The following CTNND2 variants were observed in gnomAD, a reference collection of about 807,000 sequenced individuals.
The protein encoded by CTNND2 is catenin delta 2, also known as catenin delta-2.
A neutral mutation model predicts 144.4 loss-of-function variants in CTNND2; 22 were observed. That is an observed-to-expected ratio of 0.15 (90% CI 0.11 to 0.22). The LOEUF is 0.22. Ranked by LOEUF, CTNND2 falls within the 10% of genes least tolerant of loss-of-function variation. CTNND2 has a pLI of 1.00. For missense variants in CTNND2, 1,353 were observed against 1,618.8 expected (o/e 0.84, Z 2.82); for synonymous variants, 751 against 695.6 (o/e 1.08, Z -1.25).
At chr5:11,547,162 G>A (rs1319282147) in intron 3 of CTNND2, among the ~76,000 whole-genome samples, 1 of 151,988 alleles carries the variant, frequency 6.6e-6, no homozygotes, top group Non-Finnish European at 1.5e-5. Context: ...CAGCTACTTA[G>A]GAAGCTGAGG....
chr5:11,310,349 T>C (rs960229617), intron 9 of CTNND2, among the ~76,000 whole-genome samples: 11 of 152,018 alleles, frequency 7.2e-5, no homozygotes, highest in Admixed American at 7.2e-4. Context: ...CATATCCTAT[T>C]TGACACAATT....
intron 3 of CTNND2, among the ~76,000 whole-genome samples, chr5:11,505,003 C>G (rs953621228): frequency 8.5e-5 from 13 of 152,088 alleles, no homozygotes; most frequent in African/African-American, 3.1e-4. Flanking sequence ...CCCTGGGGCC[C>G]TCTGCTGCAC....
In CTNND2 at chr5:11,467,541, C is replaced by T. The variant is rs1766796608; in HGVS notation, c.288-55472G>A. ...GTCAAGAATTTGTGGCATGTTCTGG[C>T]CTTTGAAATATAATTTTGTTTGTTT... On this transcript the variant is annotated intron_variant, in intron 3 of 21. Coordinates refer to ENST00000304623, the MANE Select transcript of CTNND2 (RefSeq NM_001332.4). Among the ~76,000 whole-genome samples the T allele has an allele frequency of 1.3e-5, 2 of 152,078 alleles. 1 individual carries two copies. Among genetic ancestry groups the T allele is most frequent in the Non-Finnish European group, 2.9e-5 (2 of 68,018 alleles).
At chr5:11,214,570 T>C (rs905854130) in intron 10 of CTNND2, among the ~76,000 whole-genome samples, 2 of 152,176 alleles carry the variant, frequency 1.3e-5, no homozygotes, top group African/African-American at 4.8e-5. Context: ...GTCAAAGTCA[T>C]ATTTTCAAAA....
At chr5:10,983,629 T>C (rs1737574302) in intron 20 of CTNND2, among the ~76,000 whole-genome samples, 1 of 152,214 alleles carries the variant, frequency 6.6e-6, no homozygotes, top group Non-Finnish European at 1.5e-5. Context: ...CCTGTCTCTG[T>C]ATTATGGTGC....
At chr5:11,741,419 G>A (rs1787999843) in intron 1 of CTNND2, among the ~76,000 whole-genome samples, 1 of 152,080 alleles carries the variant, frequency 6.6e-6, no homozygotes, top group South Asian at 2.1e-4. Flanking sequence ...TCCTTTGCAG[G>A]GACATGGATG....
intron 2 of CTNND2, among the ~76,000 whole-genome samples, chr5:11,663,182 T>A (rs1325970723): frequency 1.3e-5 from 2 of 152,198 alleles, no homozygotes; most frequent in Non-Finnish European, 2.9e-5. Context: ...AAAGTGGTCG[T>A]GGCATCATAA....
chr5:11,485,525 T>C lies in CTNND2; in HGVS notation c.288-73456A>G, dbSNP rs963393201. Among the ~76,000 whole-genome samples, 8 of 152,132 alleles carry C rather than the reference T, an allele frequency of 5.3e-5. 1 individual carries two copies. The East Asian group carries it at 5.8e-4, about 11-fold the overall frequency. ...AAAAAGAAAATCAGCTATCAAAATA[T>C]ACTCTAAAATAAATAGCCTGTTAGT... On this transcript the variant is annotated intron_variant, in intron 3 of 21. Transcript: ENST00000304623.
chr5:11,592,920 A>G (rs1209058854), intron 2 of CTNND2, among the ~76,000 whole-genome samples: 2 of 151,844 alleles, frequency 1.3e-5, no homozygotes, highest in Non-Finnish European at 2.9e-5. Context: ...AGACAAAAAG[A>G]ACAGTGGAGC....
intron 7 of CTNND2, among the ~76,000 whole-genome samples, chr5:11,382,103 G>A (rs1758547137): frequency 1.3e-5 from 2 of 152,132 alleles, no homozygotes; most frequent in Admixed American, 1.3e-4. Flanking sequence ...CAAACCCAGA[G>A]AGGTACCCCC....
intron 12 of CTNND2, among the ~76,000 whole-genome samples, chr5:11,140,356 A>G (rs1756608333): frequency 1.3e-5 from 2 of 152,232 alleles, no homozygotes; most frequent in Admixed American, 1.3e-4. Context: ...TTTTATCTCA[A>G]AAGGAAAAAC....
At chr5:11,291,346 G>T (rs1422937858) in intron 9 of CTNND2, among the ~76,000 whole-genome samples, 1 of 151,932 alleles carries the variant, frequency 6.6e-6, no homozygotes, top group Non-Finnish European at 1.5e-5. Context: ...TGTTTAGGTT[G>T]AGTCTCCAAA....
At chr5:11,181,163 G>C (rs1760960004) in intron 11 of CTNND2, among the ~76,000 whole-genome samples, 2 of 152,130 alleles carry the variant, frequency 1.3e-5, no homozygotes, top group South Asian at 4.1e-4. Flanking sequence ...GACTGGAGTG[G>C]GAGCCATTAT....
chr5:11,133,852 A>G (rs369152084), intron 12 of CTNND2, among the ~76,000 whole-genome samples: 1 of 152,350 alleles, frequency 6.6e-6, no homozygotes, highest in African/African-American at 2.4e-5. Context: ...TAGTACCGAT[A>G]TAGTCTGTCT....
intron 2 of CTNND2, among the ~76,000 whole-genome samples, chr5:11,717,285 C>T (rs564120665): frequency 2.6e-5 from 4 of 151,980 alleles, no homozygotes; most frequent in Non-Finnish European, 2.9e-5. Context: ...CTAATAAAGA[C>T]GTACCTGGCA....
chr5:11,435,076 G>A (rs997915522), intron 3 of CTNND2, among the ~76,000 whole-genome samples: 24 of 151,942 alleles, frequency 1.6e-4, no homozygotes, highest in African/African-American at 5.8e-4. Flanking sequence ...TACCTTGACT[G>A]ATACTCTATT....
chr5:11,740,824 G>C (rs899768688), intron 1 of CTNND2, among the ~76,000 whole-genome samples: 2 of 152,046 alleles, frequency 1.3e-5, no homozygotes, highest in Non-Finnish European at 1.5e-5. Context: ...AATCTACAAA[G>C]AACTCAAACA....
chr5:11,686,819 T>C (rs1357789316), intron 2 of CTNND2, among the ~76,000 whole-genome samples: 1 of 148,300 alleles, frequency 6.7e-6, no homozygotes, highest in Non-Finnish European at 1.5e-5. Context: ...TATATTTATA[T>C]ACTATATGTA....
At chr5:11,497,331 T>C (rs899585201) in intron 3 of CTNND2, among the ~76,000 whole-genome samples, 2 of 151,878 alleles carry the variant, frequency 1.3e-5, no homozygotes, top group African/African-American at 4.8e-5. Flanking sequence ...GTGGATGTAA[T>C]CTACCCACAT....
Sources: allele counts gnomAD v4.1 joint callset (sites outside exome capture counted in the v4.1 genomes callset), GRCh38; gene constraint gnomAD v4.1.1; transcripts MANE v1.5; gene names NCBI Gene and HGNC (gene_info 2026-07-23, HGNC 2026-07-21).